MARCHF1: variants seen among roughly 807,000 people sequenced by gnomAD.
The protein encoded by MARCHF1 is E3 ubiquitin-protein ligase MARCHF1.
MARCHF1 carries 40 observed loss-of-function variants against 54.2 expected under a neutral mutation model. That is an observed-to-expected ratio of 0.74 (90% confidence interval 0.57 to 0.96). The LOEUF (loss-of-function observed/expected upper bound fraction) is 0.96. Among genes scored for constraint, MARCHF1 ranks in the 40% least tolerant of loss-of-function variants. MARCHF1 has a pLI of 0.00. For synonymous variants in MARCHF1, 236 were observed against 236.3 expected, an observed-to-expected ratio of 1.00 and a Z score of 0.01; for missense variants, 586 against 656.5, an observed-to-expected ratio of 0.89 and a Z score of 1.17.
intron 1 of MARCHF1, among the ~76,000 whole-genome samples, chr4:164,117,765 T>C (rs909978417): frequency 2.6e-5 from 4 of 151,914 alleles, no homozygotes; most frequent in Non-Finnish European, 4.4e-5. Flanking sequence ...GTGGGCATGA[T>C]GGTGGGCACC....
chr4:163,800,730 T>C (rs1045190168), intron 4 of MARCHF1, among the ~76,000 whole-genome samples: 8 of 152,134 alleles, frequency 5.3e-5, no homozygotes, highest in Admixed American at 3.3e-4. Context: ...TCAAACTGAT[T>C]GTTCAAAAAG....
chr4:164,355,800 A>G (rs1251601844), intron 1 of MARCHF1, among the ~76,000 whole-genome samples: 3 of 106,666 alleles, frequency 2.8e-5, no homozygotes, highest in African/African-American at 9.2e-5. Context: ...CTGCACAGCA[A>G]AAGAAACTAC....
chr4:163,816,424 T>TTTTTATAAATAGTATTCAGAAA lies in MARCHF1; in HGVS notation c.111+37596_111+37597insTTTCTGAATACTATTTATAAAA, dbSNP rs1487114911. Among the ~76,000 whole-genome samples, 69 of 151,876 alleles carry TTTTTATAAATAGTATTCAGAAA rather than the reference T, an allele frequency of 4.5e-4. 1 individual carries two copies. The highest frequency in any genetic ancestry group is 1.6e-3 in the African/African-American group (65 of 41,466). The stretch of plus-strand genomic sequence containing the variant: ...AGTATTCAAGTTCAACTAAAACTCT[T>TTTTTATAAATAGTATTCAGAAA]TACCTTCATACATACAAGGGGAATC... On this transcript the variant is annotated intron_variant, in intron 4 of 9. Transcript: ENST00000514618.
intron 4 of MARCHF1, among the ~76,000 whole-genome samples, chr4:163,722,642 A>G (rs1453806100): frequency 6.6e-6 from 1 of 152,136 alleles, no homozygotes; most frequent in East Asian, 1.9e-4. Context: ...AAAGTCTCCC[A>G]TTATTATTTT....
chr4:163,659,194 A>G (rs929894159), intron 5 of MARCHF1, among the ~76,000 whole-genome samples: 3 of 151,950 alleles, frequency 2.0e-5, no homozygotes, highest in Non-Finnish European at 4.4e-5. Context: ...GAAGGTATAA[A>G]TGTTCCTAAA....
At chr4:163,719,171 C>T (rs1045030661) in intron 4 of MARCHF1, among the ~76,000 whole-genome samples, 2 of 137,156 alleles carry the variant, frequency 1.5e-5, no homozygotes, top group African/African-American at 2.6e-5. Flanking sequence ...CTAATGCTTT[C>T]CCTCCCCCCT....
intron 4 of MARCHF1, among the ~76,000 whole-genome samples, chr4:163,823,275 C>T (rs906294970): frequency 4.6e-5 from 7 of 151,620 alleles, no homozygotes; most frequent in African/African-American, 1.7e-4. Flanking sequence ...AGTAAGGAAG[C>T]TATAGATGAA....
At chr4:163,604,716 C>T (rs564021094) in intron 7 of MARCHF1, among the ~76,000 whole-genome samples, 4 of 152,100 alleles carry the variant, frequency 2.6e-5, no homozygotes, top group Non-Finnish European at 5.9e-5. Context: ...TGGATTCCCC[C>T]ACCTCTGCTC....
At chr4:163,731,806 C>T (rs55742306) in intron 4 of MARCHF1, among the ~76,000 whole-genome samples, 1 of 152,092 alleles carries the variant, frequency 6.6e-6, no homozygotes, top group Non-Finnish European at 1.5e-5. Flanking sequence ...TCTTATAATT[C>T]GCAAGGAATC....
chr4:164,266,549 C>G lies in MARCHF1; in HGVS notation c.-323+117321G>C, dbSNP rs183789032. On this transcript the variant is annotated intron_variant, in intron 1 of 9. Transcript: ENST00000514618. The stretch of plus-strand genomic sequence containing the variant: ...AGTTCATTCTAATCCACATTCAACA[C>G]TATCATGTACCAGTGGGCCTCATAA... 8.6e-3 allele frequency among the ~76,000 whole-genome samples: 1,313 copies of G among 152,296 alleles called. 19 individuals carry two copies. Among genetic ancestry groups the G allele is most frequent in the African/African-American group, 0.03 (1,264 of 41,562 alleles).
intron 4 of MARCHF1, among the ~76,000 whole-genome samples, chr4:163,702,575 T>C (rs1474453622): frequency 6.6e-6 from 1 of 152,140 alleles, no homozygotes; most frequent in African/African-American, 2.4e-5. Context: ...GATTACTTAA[T>C]TTTTCACACT....
At chr4:163,693,823 T>G (rs1210349687) in intron 5 of MARCHF1, among the ~76,000 whole-genome samples, 1 of 152,150 alleles carries the variant, frequency 6.6e-6, no homozygotes, top group Non-Finnish European at 1.5e-5. Flanking sequence ...TATAAGAAAG[T>G]AGGGTTGCTG....
intron 7 of MARCHF1, among the ~76,000 whole-genome samples, chr4:163,586,799 ATTAAATATGGTATC>A (rs140657851): frequency 0.012 from 1,890 of 152,314 alleles, 40 homozygotes; most frequent in South Asian, 0.041. Context: ...CATGTAATTT[ATTAAATATGGTATC>A]TTACCAATGT....
At chr4:164,086,198 C>T (rs1039372111) in intron 2 of MARCHF1, among the ~76,000 whole-genome samples, 6 of 151,698 alleles carry the variant, frequency 4.0e-5, no homozygotes, top group Admixed American at 3.3e-4. Context: ...AATGTTGGTT[C>T]ACTTCAATAT....
At chr4:164,227,371 C>G (rs536039360) in intron 1 of MARCHF1, among the ~76,000 whole-genome samples, 7 of 152,240 alleles carry the variant, frequency 4.6e-5, no homozygotes, top group African/African-American at 1.7e-4. Flanking sequence ...TGGTCCCACC[C>G]TTGACACATG....
chr4:163,895,603 T>C (rs979995909), intron 3 of MARCHF1, among the ~76,000 whole-genome samples: 2 of 152,170 alleles, frequency 1.3e-5, no homozygotes, highest in Admixed American at 6.6e-5. Context: ...GGACAGATAA[T>C]GCAGTAGAGG....
At chr4:164,336,482 T>C (rs2110825524) in intron 1 of MARCHF1, among the ~76,000 whole-genome samples, 1 of 152,348 alleles carries the variant, frequency 6.6e-6, no homozygotes, top group African/African-American at 2.4e-5. Flanking sequence ...TATAATACAT[T>C]GCAAAAGTTA....
intron 4 of MARCHF1, among the ~76,000 whole-genome samples, chr4:163,805,372 A>G (rs1267970564): frequency 1.3e-5 from 2 of 150,328 alleles, no homozygotes. Context: ...ACTGTCTCTA[A>G]AAAAAAAACA....
Position 163,769,351 on chromosome 4 carries a change from TAGA to T in MARCHF1, c.112-68491_112-68489del, listed in dbSNP as rs572957042. 7.9e-5 allele frequency among the ~76,000 whole-genome samples: 12 copies of T among 152,302 alleles called. No homozygotes were observed. The South Asian group carries it at 1.9e-3, about 24-fold the overall frequency. On this transcript the variant is annotated intron_variant, in intron 4 of 9. Coordinates refer to ENST00000514618, the MANE Select transcript of MARCHF1 (RefSeq NM_001394959.1). ...AAGTGACAGACAATATCTCTTAGAT[TAGA>T]AGAAGTAGTATAATAGATACTATAA...
Sources: gnomAD v4.1 joint callset for allele counts (sites outside exome capture counted in the v4.1 genomes callset) on GRCh38, gnomAD v4.1.1 for gene constraint, MANE v1.5 for transcripts, NCBI Gene and HGNC (gene_info 2026-07-23, HGNC 2026-07-21) for gene names.